The following ABCA8 variants were observed in gnomAD, a reference collection of about 807,000 sequenced individuals.
The protein encoded by ABCA8 is ATP binding cassette subfamily A member 8.
A neutral mutation model predicts 192.3 loss-of-function variants in ABCA8; 177 were observed. The ratio of observed to expected loss-of-function variants is 0.92; its 90% CI spans 0.81 to 1.04. The LOEUF is 1.04. ABCA8 is among the 50% of genes least tolerant of loss of function. The pLI is 0.00. For missense variants in ABCA8, 1,915 were observed against 1,904.8 expected (o/e 1.01, Z -0.10); for synonymous variants, 642 against 690.2 (o/e 0.93, Z 1.09).
chr17:68,909,281 A>G (rs2067175158), intron 17 of ABCA8, among the ~76,000 whole-genome samples: 1 of 152,212 alleles, frequency 6.6e-6, no homozygotes, highest in South Asian at 2.1e-4. Flanking sequence ...GTAGGCTGTT[A>G]GAACTCTGTT....
At chr17:68,947,827 A>G (rs1019162163) in intron 2 of ABCA8, among the ~76,000 whole-genome samples, 1 of 152,104 alleles carries the variant, frequency 6.6e-6, no homozygotes, top group Non-Finnish European at 1.5e-5. Context: ...TGCTGCACCT[A>G]TCAACCCGTC....
chr17:68,877,765 GA>G, intron 32 of ABCA8, 86 bp from the exon 33 acceptor site: 1 of 1,376,122 alleles, frequency 7.3e-7, no homozygotes, highest in South Asian at 1.6e-5. Context: ...CACGAACCTA[GA>G]AAAACTAGAG....
intron 24 of ABCA8, among the ~76,000 whole-genome samples, chr17:68,887,943 AT>A (rs1360695747): frequency 2.8e-5 from 3 of 106,662 alleles, no homozygotes; most frequent in Non-Finnish European, 5.8e-5. Context: ...GGATATATAT[AT>A]TATATATATG....
intron 11 of ABCA8, among the ~76,000 whole-genome samples, chr17:68,923,836 G>A (rs1434961142): frequency 6.6e-6 from 1 of 152,120 alleles, no homozygotes; most frequent in Non-Finnish European, 1.5e-5. Flanking sequence ...GGACAGCCAA[G>A]GATCTTAAGG....
intron 16 of ABCA8, among the ~76,000 whole-genome samples, chr17:68,917,726 A>G (rs1368243777): frequency 6.6e-6 from 1 of 152,222 alleles, no homozygotes; most frequent in Non-Finnish European, 1.5e-5. Flanking sequence ...GAAACATTAA[A>G]ATCATTTGAA....
intron 37 of ABCA8, among the ~76,000 whole-genome samples, chr17:68,871,695 C>A (rs1450919817): frequency 6.6e-6 from 1 of 151,896 alleles, no homozygotes; most frequent in Non-Finnish European, 1.5e-5. Flanking sequence ...TGACAGTGAC[C>A]CCGTAAGCTT....
At chr17:68,892,545 G>A (rs2066643131) in intron 23 of ABCA8, among the ~76,000 whole-genome samples, 1 of 152,170 alleles carries the variant, frequency 6.6e-6, no homozygotes, top group Non-Finnish European at 1.5e-5. Flanking sequence ...AGCTGAGCTG[G>A]TTGGTATCTA....
intron 1 of ABCA8, 140 bp downstream of exon 1, chr17:68,955,079 C>A (rs2068678763): frequency 6.6e-6 from 1 of 152,094 alleles, no homozygotes; most frequent in Non-Finnish European, 1.5e-5. Flanking sequence ...AAAATAATTT[C>A]TGCATAGATG....
intron 21 of ABCA8, among the ~76,000 whole-genome samples, chr17:68,901,977 AC>A (rs1374879977): frequency 3.9e-5 from 6 of 152,232 alleles, no homozygotes; most frequent in Admixed American, 3.3e-4. Flanking sequence ...ATATGTTCAA[AC>A]AAAAACTTGT....
At position 68,918,049 on chromosome 17, in the gene ABCA8, G is replaced by C. The variant is rs756218261; in HGVS notation, c.2045C>G (p.Ala682Gly). The C allele has an allele frequency of 2.5e-6, 4 of 1,613,788 alleles. No individual in the cohort carries two copies. In the Admixed American group the frequency reaches 5.0e-5, roughly 20 times the overall value. The change falls in exon 16 of 40, where the codon GCG (alanine) becomes GGG (glycine). Residue 682 changes from alanine (A) to glycine (G), a missense_variant and splice_region_variant. Physicochemically the swap from Ala to Gly is moderately conservative, Grantham distance 60 (BLOSUM62 0). Transcript: ENST00000586539. ...ACTTAACAGAAACCAGTGATTACCC[G>C]CCAGGATGTCGGCCTCATCCATGAA... is the stretch of plus-strand genomic sequence containing the variant. ...TQFMDEADIL[A>G]DRKVFLSQGK...
chr17:68,940,264 A>G (rs1369781007), intron 4 of ABCA8, among the ~76,000 whole-genome samples: 1 of 152,190 alleles, frequency 6.6e-6, no homozygotes, highest in Non-Finnish European at 1.5e-5. Flanking sequence ...ACTCAAAGGA[A>G]TATTCAAATA....
At chr17:68,951,812 T>C (rs953590791) in intron 1 of ABCA8, among the ~76,000 whole-genome samples, 1 of 152,214 alleles carries the variant, frequency 6.6e-6, no homozygotes, top group East Asian at 1.9e-4. Flanking sequence ...ATTTGGTTAC[T>C]ATATAAAAAA....
At chr17:68,895,455 C>A (rs547951394) in intron 21 of ABCA8, among the ~76,000 whole-genome samples, 1 of 152,142 alleles carries the variant, frequency 6.6e-6, no homozygotes, top group Non-Finnish European at 1.5e-5. Flanking sequence ...GAAAAACAAT[C>A]ATAACTTATA....
At chr17:68,941,850 T>G (rs561457962) in intron 3 of ABCA8, 89 bp downstream of exon 3, 1 of 854,336 alleles carries the variant, frequency 1.2e-6, no homozygotes, top group South Asian at 1.6e-5. Context: ...GGTGTATGTG[T>G]CGGGGGAGAT....
At position 68,918,469 on chromosome 17, in the gene ABCA8, T is replaced by C. The variant is rs2067443071; in HGVS notation, c.1866A>G (p.Lys622=). ...TGGCAATCCCAAAGGTTAGCTTTCT[T>C]TTCTGTCCACCACTTAAGTTTTGAG... The part of the protein sequence containing the change: ...VLAQNLSGGQ[K]RKLTFGIAIL... Residue 622 remains lysine (K), a synonymous_variant, in exon 15 of 40, where the codon AAA becomes AAG. Transcript: ENST00000586539. The C allele has an allele frequency of 1.3e-6, 2 of 1,565,702 alleles. No individual in the cohort carries two copies. The highest frequency in any genetic ancestry group is 1.7e-6 in the Non-Finnish European group (2 of 1,160,362).
chr17:68,897,340 T>C (rs1364983697), intron 21 of ABCA8, among the ~76,000 whole-genome samples: 1 of 152,128 alleles, frequency 6.6e-6, no homozygotes, highest in Non-Finnish European at 1.5e-5. Context: ...GCAGGGGAAA[T>C]GAGTAAACAA....
chr17:68,941,344 A>G (rs2068225286), intron 3 of ABCA8, among the ~76,000 whole-genome samples: 1 of 152,174 alleles, frequency 6.6e-6, no homozygotes, highest in South Asian at 2.1e-4. Flanking sequence ...CTTAGGGGAA[A>G]AAACTTTACG....
chr17:68,893,392 C>T (rs1210859729), intron 23 of ABCA8, among the ~76,000 whole-genome samples: 2 of 152,158 alleles, frequency 1.3e-5, no homozygotes, highest in African/African-American at 2.4e-5. Flanking sequence ...CCTCCTTTCA[C>T]CACCCCCATG....
At chr17:68,907,443 T>C (rs2143523727) in intron 18 of ABCA8, among the ~76,000 whole-genome samples, 1 of 152,036 alleles carries the variant, frequency 6.6e-6, no homozygotes, top group Non-Finnish European at 1.5e-5. Flanking sequence ...CCAGAGGTTT[T>C]CAACCATTTG....
Sources: allele counts gnomAD v4.1 joint callset (sites outside exome capture counted in the v4.1 genomes callset), GRCh38; gene constraint gnomAD v4.1.1; transcripts MANE v1.5; gene names NCBI Gene and HGNC (gene_info 2026-07-23, HGNC 2026-07-21).